Variants in RNF10 observed in about 807,000 individuals in gnomAD.
RNF10 encodes E3 ubiquitin-protein ligase RNF10.
Under a neutral mutation model 91.4 loss-of-function variants are expected in RNF10, and 38 were observed. The observed-to-expected ratio is 0.42, with a 90% CI of 0.32 to 0.54. The LOEUF (loss-of-function observed/expected upper bound fraction) is 0.54, where lower values mean the gene tolerates loss of function less well. RNF10 is among the 20% of genes least tolerant of loss of function. RNF10 has a pLI of 0.16. For synonymous variants in RNF10, 364 were observed against 366.3 expected (o/e 0.99, Z 0.07); for missense variants, 945 against 1,012.0 (o/e 0.93, Z 0.90).
intron 2 of RNF10, among the ~76,000 whole-genome samples, chr12:120,550,565 G>GA (rs1338827965): frequency 2.0e-5 from 3 of 151,656 alleles, no homozygotes; most frequent in Non-Finnish European, 4.4e-5. Flanking sequence ...CAAGCAAACA[G>GA]AATGTGGAGA....
intron 1 of RNF10, among the ~76,000 whole-genome samples, chr12:120,540,207 C>A (rs529552259): frequency 4.6e-5 from 7 of 151,984 alleles, no homozygotes; most frequent in African/African-American, 1.7e-4. Context: ...AAATGATCCT[C>A]CCACCTTAGC....
intron 2 of RNF10, among the ~76,000 whole-genome samples, chr12:120,551,832 C>T (rs1167963913): frequency 6.6e-6 from 1 of 151,980 alleles, no homozygotes; most frequent in African/African-American, 2.4e-5. Context: ...ACTCCATTCT[C>T]TCATTGCTAT....
In RNF10 at chr12:120,554,500, G is replaced by T. The variant is rs1489132970; in HGVS notation, c.555-218G>T. 7.3e-5 allele frequency: 36 copies of T among 492,860 alleles called. No homozygotes were observed. The East Asian group carries it at 1.3e-3, about 18-fold the overall frequency. The allele number at this position is 492,860 out of a possible 1,614,324, so 30.5% of individuals were successfully genotyped here. ...GAATTTGGCTGGACTTGAAGCAGAA[G>T]AAAACAGTTCATGGATTTAGACTTC... On this transcript the variant is annotated intron_variant, in intron 3 of 16. Coordinates refer to ENST00000325954, the MANE Select transcript of RNF10 (RefSeq NM_014868.5).
At chr12:120,546,658 C>T (rs1423457358) in intron 2 of RNF10, 57 bp downstream of exon 2, 3 of 1,459,206 alleles carry the variant, frequency 2.1e-6, no homozygotes, top group African/African-American at 2.8e-5. Flanking sequence ...GATCCCATCC[C>T]CCGTCCCCCA....
chr12:120,564,614 A>T (rs991988578), intron 10 of RNF10, among the ~76,000 whole-genome samples: 2 of 152,114 alleles, frequency 1.3e-5, no homozygotes, highest in Non-Finnish European at 2.9e-5. Flanking sequence ...AGAAAAAAAA[A>T]ATTGGGCTTC....
chr12:120,562,565 C>T (rs1313797961), intron 7 of RNF10, among the ~76,000 whole-genome samples: 1 of 152,128 alleles, frequency 6.6e-6, no homozygotes, highest in Non-Finnish European at 1.5e-5. Context: ...TGAGCCACCA[C>T]ACCTGGCCGT....
chr12:120,557,300 G>A lies in RNF10; in HGVS notation c.664G>A (p.Val222Met), dbSNP rs1245720789. The change falls in exon 5 of 17, where the codon GTG becomes ATG. Residue 222 changes from valine to methionine, a missense_variant. Transcript: ENST00000325954. ...GTTTCAGCGCATTTGTAGCCATGAA[G>A]TGCCATCTTGCCCAATATGCCTCTA... ...VEQVRICSHE[V>M]PSCPICLYPP... 6.2e-7 allele frequency: 1 copy of A among 1,614,094 alleles called. No homozygotes were observed. Among genetic ancestry groups the A allele is most frequent in the Admixed American group, 1.7e-5 (1 of 59,998 alleles).
At position 120,563,892 on chromosome 12, in the gene RNF10, C is replaced by G. The variant is rs745364642; in HGVS notation, c.1614C>G (p.Pro538=). ...VREYGSLERS[P]EKISATVVEI... ...AGTACGGCAGCCTGGAGAGGAGCCC[C>G]GAGAAGATCTCAGCAACTGTGGTGG... The change falls in exon 10 of 17, where the codon CCC becomes CCG. Residue 538 remains proline, a synonymous_variant. Coordinates refer to ENST00000325954, the MANE Select transcript of RNF10 (RefSeq NM_014868.5). 1.2e-6 allele frequency: 2 copies of G among 1,613,994 alleles called. No homozygotes were observed. The highest frequency in any genetic ancestry group is 2.2e-5 in the South Asian group (2 of 91,082).
intron 13 of RNF10, among the ~76,000 whole-genome samples, chr12:120,568,936 T>C (rs541806504): frequency 4.6e-4 from 70 of 152,198 alleles, no homozygotes; most frequent in African/African-American, 1.5e-3. Flanking sequence ...AAGATACTTT[T>C]TGATGCTTAC....
chr12:120,549,652 G>A (rs1872760482), intron 2 of RNF10, among the ~76,000 whole-genome samples: 1 of 152,130 alleles, frequency 6.6e-6, no homozygotes, highest in Non-Finnish European at 1.5e-5. Context: ...GGGCGTGATG[G>A]CAGGTGCCTG....
At chr12:120,539,219 G>A in intron 1 of RNF10, 1 of 355,210 alleles carries the variant, frequency 2.8e-6, no homozygotes, top group South Asian at 2.1e-5. Context: ...TAGAGGCTTA[G>A]CAGTGTTAAG....
intron 1 of RNF10, among the ~76,000 whole-genome samples, chr12:120,545,874 T>G (rs1424425657): frequency 2.0e-5 from 3 of 152,252 alleles, no homozygotes; most frequent in Non-Finnish European, 4.4e-5. Context: ...TCTTTTGTTC[T>G]GTCAATTTAA....
intron 6 of RNF10, among the ~76,000 whole-genome samples, chr12:120,559,078 TAAA>T (rs1260570362): frequency 5.3e-5 from 8 of 151,360 alleles, no homozygotes; most frequent in East Asian, 1.9e-4. Flanking sequence ...TTTTTTATTT[TAAA>T]AAATTAACTG....
At chr12:120,549,261 A>G (rs1310092450) in intron 2 of RNF10, among the ~76,000 whole-genome samples, 1 of 152,116 alleles carries the variant, frequency 6.6e-6, no homozygotes, top group Admixed American at 6.6e-5. Flanking sequence ...GAGATTTGGA[A>G]GCCTGAGGAG....
At chr12:120,571,333 T>C in intron 14 of RNF10, 42 bp downstream of exon 14, 1 of 1,334,920 alleles carries the variant, frequency 7.5e-7, no homozygotes, top group Non-Finnish European at 1.1e-6. Flanking sequence ...GTATTTAACA[T>C]GAACTCTGCT....
chr12:120,535,106 C>T, intron 1 of RNF10, 138 bp downstream of exon 1: 1 of 958,206 alleles, frequency 1.0e-6, no homozygotes, highest in Non-Finnish European at 1.5e-6. Flanking sequence ...CCATGGCTCT[C>T]ATTTGCAGTT....
At position 120,557,446 on chromosome 12, in the gene RNF10, G is replaced by T; in HGVS notation, c.810G>T (p.Val270=). Residue 270 remains valine, a synonymous_variant, in exon 5 of 17, where the codon GTG becomes GTT. Transcript: ENST00000325954. ...WSKCPICYSS[V]HKKDLKSVVA... ...AATGTCCCATCTGTTACAGTTCTGT[G>T]CATAAGAAGGATCTCAAGAGGTGAG... 6.2e-7 allele frequency: 1 copy of T among 1,614,118 alleles called. No individual in the cohort carries two copies. The highest frequency in any genetic ancestry group is 1.1e-5 in the South Asian group (1 of 91,084).
At chr12:120,548,208 A>T (rs995839968) in intron 2 of RNF10, among the ~76,000 whole-genome samples, 1 of 152,222 alleles carries the variant, frequency 6.6e-6, no homozygotes, top group Non-Finnish European at 1.5e-5. Flanking sequence ...TATAAGCAGA[A>T]TATAAGTAGA....
intron 1 of RNF10, among the ~76,000 whole-genome samples, chr12:120,545,435 G>A (rs7961574): frequency 2.3e-4 from 35 of 150,314 alleles, no homozygotes; most frequent in Middle Eastern, 3.5e-3. Flanking sequence ...CTCGTGATCC[G>A]CCCACCTCGG....
Sources: gnomAD v4.1 joint callset for allele counts (sites outside exome capture counted in the v4.1 genomes callset) on GRCh38, gnomAD v4.1.1 for gene constraint, MANE v1.5 for transcripts, NCBI Gene and HGNC (gene_info 2026-07-23, HGNC 2026-07-21) for gene names.